The following NUMB variants were observed in gnomAD, a reference collection of about 807,000 sequenced individuals.
NUMB encodes the protein NUMB endocytic adaptor protein.
A neutral mutation model predicts 59.7 loss-of-function variants in NUMB; 29 were observed. That is an observed-to-expected ratio of 0.49 (90% CI 0.36 to 0.66). The LOEUF (loss-of-function observed/expected upper bound fraction) is 0.66, where lower values mean the gene tolerates loss of function less well. NUMB is among the 30% of genes least tolerant of loss of function. The pLI is 0.00. For synonymous variants in NUMB, 288 were observed against 288.2 expected (o/e 1.00, Z 0.01); for missense variants, 723 against 822.0 (o/e 0.88, Z 1.47).
At chr14:73,382,169 G>T (rs554632977) in intron 2 of NUMB, among the ~76,000 whole-genome samples, 1 of 152,162 alleles carries the variant, frequency 6.6e-6, no homozygotes, top group Admixed American at 6.5e-5. Flanking sequence ...TTTTTGAGAT[G>T]GAGTTTTGCT....
At chr14:73,387,278 G>A (rs1895590196) in intron 2 of NUMB, among the ~76,000 whole-genome samples, 2 of 152,088 alleles carry the variant, frequency 1.3e-5, no homozygotes, top group Admixed American at 1.3e-4. Flanking sequence ...TCATGCGAAG[G>A]AATCATGGGG....
intron 2 of NUMB, among the ~76,000 whole-genome samples, chr14:73,387,297 C>T (rs1895591646): frequency 2.0e-5 from 3 of 152,042 alleles, no homozygotes; most frequent in Admixed American, 2.0e-4. Context: ...GGCGGTTACC[C>T]CCATGCTGCT....
chr14:73,360,298 G>A (rs974370580), intron 3 of NUMB, among the ~76,000 whole-genome samples: 1 of 152,220 alleles, frequency 6.6e-6, no homozygotes, highest in Admixed American at 6.5e-5. Context: ...GCTCATGCCT[G>A]TAATCCCAAC....
chr14:73,376,329 A>G (rs182275878), intron 2 of NUMB, among the ~76,000 whole-genome samples: 27 of 152,106 alleles, frequency 1.8e-4, no homozygotes, highest in African/African-American at 6.5e-4. Flanking sequence ...TGACTTAAGT[A>G]TAAGTCTAAT....
At position 73,358,259 on chromosome 14, in the gene NUMB, A is replaced by ACAGAG. The variant is rs1893916273; in HGVS notation, c.-15-2498_-15-2494dup. On this transcript the variant is annotated intron_variant, in intron 3 of 12. Coordinates refer to ENST00000555238, the MANE Select transcript of NUMB (RefSeq NM_001005743.2). The stretch of plus-strand genomic sequence containing the variant: ...AAGTATTTTAGTCTCTTTACCTTTA[A>ACAGAG]CAGAGCTCCATCCCAATATGTTCTA... Among the ~76,000 whole-genome samples, 3 of 152,200 alleles carry ACAGAG rather than the reference A, an allele frequency of 2.0e-5. No homozygotes were observed. The South Asian group carries it at 6.2e-4, about 32-fold the overall frequency.
At chr14:73,333,910 G>C (rs941635392) in intron 4 of NUMB, among the ~76,000 whole-genome samples, 5 of 151,728 alleles carry the variant, frequency 3.3e-5, no homozygotes, top group African/African-American at 9.7e-5. Flanking sequence ...TGTTGCCCAG[G>C]CTGGAGTGCA....
chr14:73,375,913 A>G (rs1358682736), intron 2 of NUMB, among the ~76,000 whole-genome samples: 2 of 152,222 alleles, frequency 1.3e-5, no homozygotes, highest in Non-Finnish European at 2.9e-5. Context: ...CTTCCTCAAC[A>G]AGACAAAGCA....
At chr14:73,363,498 A>T (rs1894185770) in intron 3 of NUMB, among the ~76,000 whole-genome samples, 1 of 152,204 alleles carries the variant, frequency 6.6e-6, no homozygotes, top group Admixed American at 6.5e-5. Context: ...AAACTTTCTT[A>T]AAAAGATCAT....
chr14:73,290,016 G>C lies in NUMB; in HGVS notation c.451-2702C>G, dbSNP rs539861649. The stretch of plus-strand genomic sequence containing the variant: ...CACTGAATGAAAAACGCTGGAGATG[G>C]GGCCCAGCAATCTATGTTTTAAAAC... On this transcript the variant is annotated intron_variant, in intron 8 of 12. Transcript: ENST00000555238. Among the ~76,000 whole-genome samples, 806 of 152,244 alleles carry C rather than the reference G, an allele frequency of 5.3e-3. 1 individual carries two copies. The highest frequency in any genetic ancestry group is 1.0e-2 in the Non-Finnish European group (680 of 68,008).
At chr14:73,351,028 T>C (rs1383990955) in intron 4 of NUMB, among the ~76,000 whole-genome samples, 1 of 152,018 alleles carries the variant, frequency 6.6e-6, no homozygotes, top group Non-Finnish European at 1.5e-5. Context: ...TGGGTTGGAG[T>C]TGGCTGAGGA....
intron 1 of NUMB, among the ~76,000 whole-genome samples, chr14:73,451,175 CA>C (rs1209954055): frequency 1.9e-5 from 2 of 104,152 alleles, no homozygotes; most frequent in East Asian, 4.4e-4. Context: ...AAAAAAAAAA[CA>C]AAAAACAAAT....
chr14:73,370,598 A>G (rs889677157), intron 2 of NUMB, among the ~76,000 whole-genome samples: 5 of 152,124 alleles, frequency 3.3e-5, no homozygotes, highest in Non-Finnish European at 7.4e-5. Flanking sequence ...AGGCTGAGGC[A>G]GGAGAATTGC....
intron 1 of NUMB, among the ~76,000 whole-genome samples, chr14:73,446,698 A>C (rs1379939195): frequency 1.3e-5 from 2 of 152,086 alleles, no homozygotes; most frequent in Non-Finnish European, 2.9e-5. Context: ...AAAGCAGGAG[A>C]ATCACTTGAG....
intron 6 of NUMB, among the ~76,000 whole-genome samples, chr14:73,306,293 T>C (rs528156079): frequency 2.5e-4 from 38 of 152,334 alleles, no homozygotes; most frequent in Non-Finnish European, 4.4e-4. Flanking sequence ...CTCTTCTAGT[T>C]TGCCAAATCA....
intron 1 of NUMB, among the ~76,000 whole-genome samples, chr14:73,418,524 C>T (rs758567716): frequency 9.9e-5 from 15 of 152,138 alleles, no homozygotes; most frequent in African/African-American, 2.4e-4. Flanking sequence ...GTAATCCCAG[C>T]GCTTTGGGAG....
chr14:73,321,300 G>A (rs984679607), intron 5 of NUMB, among the ~76,000 whole-genome samples: 2 of 152,028 alleles, frequency 1.3e-5, no homozygotes, highest in African/African-American at 4.8e-5. Flanking sequence ...TTGTTTCAGG[G>A]CTATCTAGTC....
At chr14:73,320,528 C>G (rs564470691) in intron 5 of NUMB, among the ~76,000 whole-genome samples, 1 of 152,076 alleles carries the variant, frequency 6.6e-6, no homozygotes, top group Non-Finnish European at 1.5e-5. Flanking sequence ...CTACTGTGTT[C>G]GGCTTAAAAC....
intron 1 of NUMB, among the ~76,000 whole-genome samples, 175 bp from the exon 2 acceptor site, chr14:73,410,243 A>G (rs1198992255): frequency 6.6e-6 from 1 of 152,244 alleles, no homozygotes; most frequent in Non-Finnish European, 1.5e-5. Context: ...CAGGGCAAAA[A>G]TAATAACAAT....
At chr14:73,360,284 G>A (rs1394093717) in intron 3 of NUMB, among the ~76,000 whole-genome samples, 6 of 151,820 alleles carry the variant, frequency 4.0e-5, no homozygotes, top group African/African-American at 9.7e-5. Context: ...GGCTGGGCAC[G>A]GTGGCTCATG....
Sources: gnomAD v4.1 joint callset for allele counts (sites outside exome capture counted in the v4.1 genomes callset) on GRCh38, gnomAD v4.1.1 for gene constraint, MANE v1.5 for transcripts, NCBI Gene and HGNC (gene_info 2026-07-23, HGNC 2026-07-21) for gene names.